The following SDK1 variants were observed in gnomAD, a reference collection of about 807,000 sequenced individuals.
SDK1 encodes the protein sidekick cell adhesion molecule 1.
A neutral mutation model predicts 245.5 loss-of-function variants in SDK1; 157 were observed. That is an observed-to-expected ratio of 0.64 (90% CI 0.56 to 0.73). SDK1 has a LOEUF of 0.73. Among genes scored for constraint, SDK1 ranks in the 30% least tolerant of loss-of-function variants. The pLI is 0.00. For synonymous variants in SDK1, 1,647 were observed against 1,278.5 expected (o/e 1.29, Z -6.15); for missense variants, 3,583 against 3,002.3 (o/e 1.19, Z -4.52).
At chr7:3,492,863 A>G (rs1422062735) in intron 1 of SDK1, among the ~76,000 whole-genome samples, 1 of 152,258 alleles carries the variant, frequency 6.6e-6, no homozygotes, top group African/African-American at 2.4e-5. Flanking sequence ...AAATTTTGAT[A>G]AAGATAAGAA....
intron 4 of SDK1, among the ~76,000 whole-genome samples, chr7:3,715,944 GAAGA>G (rs2115023485): frequency 6.6e-6 from 1 of 152,248 alleles, no homozygotes; most frequent in African/African-American, 2.4e-5. Context: ...CAGCAAAGAA[GAAGA>G]AATTATTTAA....
At chr7:3,392,747 A>T (rs371235874) in intron 1 of SDK1, among the ~76,000 whole-genome samples, 1 of 152,012 alleles carries the variant, frequency 6.6e-6, no homozygotes, top group Non-Finnish European at 1.5e-5. Flanking sequence ...TTTTATTTTC[A>T]TGATGTTTTC....
chr7:3,716,617 C>T (rs1303695264), intron 4 of SDK1, among the ~76,000 whole-genome samples: 7 of 151,758 alleles, frequency 4.6e-5, no homozygotes, highest in Non-Finnish European at 1.0e-4. Context: ...AAAAATTAGC[C>T]AGGCGTGGTG....
intron 1 of SDK1, among the ~76,000 whole-genome samples, chr7:3,574,624 T>C (rs1321773736): frequency 6.6e-6 from 1 of 152,114 alleles, no homozygotes; most frequent in African/African-American, 2.4e-5. Flanking sequence ...GCAAAACCTG[T>C]AATCCCAGTC....
intron 38 of SDK1, among the ~76,000 whole-genome samples, chr7:4,216,359 T>C (rs1784795998): frequency 6.6e-6 from 1 of 152,184 alleles, no homozygotes; most frequent in Non-Finnish European, 1.5e-5. Context: ...CCACGGCCGC[T>C]GCTCCCACTC....
chr7:3,751,583 G>T (rs910178340), intron 4 of SDK1, among the ~76,000 whole-genome samples: 1 of 152,158 alleles, frequency 6.6e-6, no homozygotes, highest in East Asian at 1.9e-4. Flanking sequence ...TACAGGCCTG[G>T]ATCATGGTCA....
At chr7:3,921,250 G>A (rs899611326) in intron 5 of SDK1, among the ~76,000 whole-genome samples, 1 of 152,062 alleles carries the variant, frequency 6.6e-6, no homozygotes, top group Non-Finnish European at 1.5e-5. Flanking sequence ...ACACTGTTTT[G>A]TAAACATTTT....
intron 20 of SDK1, among the ~76,000 whole-genome samples, chr7:4,076,035 G>A (rs910779474): frequency 1.3e-5 from 2 of 152,176 alleles, no homozygotes; most frequent in African/African-American, 4.8e-5. Flanking sequence ...GGCCTGAAGA[G>A]AGTATAGGGG....
chr7:3,578,028 CT>C (rs1344837535), intron 1 of SDK1, among the ~76,000 whole-genome samples: 3 of 152,026 alleles, frequency 2.0e-5, no homozygotes, highest in Non-Finnish European at 4.4e-5. Context: ...ATGTTTCTTT[CT>C]TTTCCTCCTT....
At chr7:3,737,244 G>A (rs1779341655) in intron 4 of SDK1, among the ~76,000 whole-genome samples, 1 of 152,218 alleles carries the variant, frequency 6.6e-6, no homozygotes, top group African/African-American at 2.4e-5. Flanking sequence ...GGACCGGACT[G>A]CTGTCTGGGC....
intron 1 of SDK1, among the ~76,000 whole-genome samples, chr7:3,561,447 C>A (rs1343765619): frequency 6.6e-6 from 1 of 152,180 alleles, no homozygotes; most frequent in Admixed American, 6.5e-5. Flanking sequence ...GTGTTAGACT[C>A]CACAAGCAGT....
chr7:3,302,976 C>G (rs12113645), intron 1 of SDK1, among the ~76,000 whole-genome samples: 1 of 152,058 alleles, frequency 6.6e-6, no homozygotes, highest in Non-Finnish European at 1.5e-5. Flanking sequence ...AAGGTCTGAG[C>G]TCAAAACTAT....
chr7:4,074,199 A>G (rs1486034735), intron 20 of SDK1, among the ~76,000 whole-genome samples: 4 of 151,754 alleles, frequency 2.6e-5, no homozygotes, highest in Non-Finnish European at 5.9e-5. Context: ...TTCATCTTAG[A>G]CTAAACTTCT....
At chr7:4,264,537 TGGACCTCTCCTGAGTGAGGGAGGCC>T in intron 44 of SDK1, among the ~76,000 whole-genome samples, 2 of 125,932 alleles carry the variant, frequency 1.6e-5, no homozygotes, top group Non-Finnish European at 3.3e-5. Context: ...GGAGGCCGCG[TGGACCTCTCCTGAGTGAGGGAGGCC>T]GCGTGGACCT....
In SDK1 at chr7:4,245,584, A is replaced by G. The variant is rs535522399; in HGVS notation, c.6252-92A>G. 1.6e-5 allele frequency: 24 copies of G among 1,467,490 alleles called. No homozygotes were observed. In the East Asian group the frequency reaches 5.1e-4, roughly 31 times the overall value. The allele number at this position is 1,467,490 out of a possible 1,614,324, so 90.9% of individuals were successfully genotyped here. ...AAGGCTGTGGGTTTCCTCTTAGTCC[A>G]ACGCAATAAAGGCCAAATGCCAGGT... On this transcript the variant is annotated intron_variant, in intron 43 of 44. Transcript: ENST00000404826.
intron 1 of SDK1, among the ~76,000 whole-genome samples, chr7:3,356,029 G>A (rs1780784240): frequency 6.6e-6 from 1 of 152,144 alleles, no homozygotes; most frequent in Admixed American, 6.5e-5. Context: ...AGTGCTTATA[G>A]GCCATAGTTG....
intron 5 of SDK1, among the ~76,000 whole-genome samples, chr7:3,871,604 A>T (rs1780958242): frequency 6.6e-6 from 1 of 152,212 alleles, no homozygotes; most frequent in African/African-American, 2.4e-5. Flanking sequence ...GCTTCCATTC[A>T]TTGTGGAAAG....
chr7:3,559,278 C>G (rs1250218279), intron 1 of SDK1, among the ~76,000 whole-genome samples: 1 of 152,126 alleles, frequency 6.6e-6, no homozygotes, highest in East Asian at 1.9e-4. Flanking sequence ...CACATCAACA[C>G]AGTAAGCCTC....
intron 4 of SDK1, among the ~76,000 whole-genome samples, chr7:3,671,650 C>G (rs906833369): frequency 3.3e-5 from 5 of 152,096 alleles, no homozygotes; most frequent in Non-Finnish European, 7.4e-5. Context: ...ACTTGTGTTT[C>G]TCCAGGAAGT....
Sources: gnomAD v4.1 joint callset for allele counts (sites outside exome capture counted in the v4.1 genomes callset) on GRCh38, gnomAD v4.1.1 for gene constraint, MANE v1.5 for transcripts, NCBI Gene and HGNC (gene_info 2026-07-23, HGNC 2026-07-21) for gene names.